The following SH3BGR variants were observed in gnomAD, a reference collection of about 807,000 sequenced individuals.
SH3BGR encodes the protein SH3 domain binding glutamate rich protein, also known as SH3 domain-binding glutamic acid-rich protein.
In SH3BGR, 29 loss-of-function variants were observed where a neutral mutation model predicts 24.5. The observed-to-expected ratio is 1.18, with a 90% CI of 0.88 to 1.61. The LOEUF (loss-of-function observed/expected upper bound fraction) is 1.61. SH3BGR is among the 40% of genes most tolerant of loss of function. SH3BGR has a pLI of 0.00. For missense variants in SH3BGR, 162 were observed against 205.8 expected, an observed-to-expected ratio of 0.79 and a Z score of 1.30; for synonymous variants, 55 against 65.7, an observed-to-expected ratio of 0.84 and a Z score of 0.79.
chr21:39,459,714 AT>A (rs1242602521), intron 1 of SH3BGR, among the ~76,000 whole-genome samples: 1 of 151,718 alleles, frequency 6.6e-6, no homozygotes, highest in Non-Finnish European at 1.5e-5. Flanking sequence ...TTTTGTAGAG[AT>A]GTGGTCTCTA....
chr21:39,447,787 C>T (rs959581987), upstream of SH3BGR, among the ~76,000 whole-genome samples: 1 of 152,140 alleles, frequency 6.6e-6, no homozygotes, highest in African/African-American at 2.4e-5. Context: ...CATGGCCTTT[C>T]ACTATTCTGG....
At chr21:39,449,528 AT>A (rs1254739637), upstream of SH3BGR, among the ~76,000 whole-genome samples, 3 of 152,194 alleles carry the variant, frequency 2.0e-5, no homozygotes, top group Non-Finnish European at 4.4e-5. Context: ...ATTCCTGTTA[AT>A]TATGTTGAAG....
chr21:39,510,909 CTATATATATATATATATA>C lies in SH3BGR; in HGVS notation c.436-750_436-733del, dbSNP rs61692072. ...TTCTTTTTGTATTTGATTCTTCTAA[CTATATATATATATATATA>C]TATATATATATATATATATACTTTC... is the stretch of plus-strand genomic sequence containing the variant. On this transcript the variant is annotated intron_variant, in intron 5 of 6. Coordinates refer to ENST00000333634, the MANE Select transcript of SH3BGR (RefSeq NM_007341.3). Among the ~76,000 whole-genome samples, 156 of 65,868 alleles carry C rather than the reference CTATATATATATATATATA, an allele frequency of 2.4e-3. 4 individuals carry two copies. The highest frequency in any genetic ancestry group is 0.016 in the South Asian group (22 of 1,368). The allele number at this position is 65,868 out of a possible 152,430, so 43.2% of individuals were successfully genotyped here. A position where few individuals can be genotyped will look rare whatever the true frequency, so the allele number is the denominator to read the frequency against.
chr21:39,473,344 C>T (rs2077972617), intron 2 of SH3BGR, among the ~76,000 whole-genome samples: 1 of 152,140 alleles, frequency 6.6e-6, no homozygotes, highest in African/African-American at 2.4e-5. Flanking sequence ...TTACATTTCA[C>T]CAACTTACTG....
chr21:39,494,164 C>G (rs1050614902), intron 3 of SH3BGR, among the ~76,000 whole-genome samples: 3 of 152,032 alleles, frequency 2.0e-5, no homozygotes, highest in African/African-American at 7.2e-5. Flanking sequence ...GCTATACGAT[C>G]ATGTGTATCA....
chr21:39,507,758 G>A (rs951882308), intron 4 of SH3BGR, among the ~76,000 whole-genome samples: 2 of 152,074 alleles, frequency 1.3e-5, no homozygotes, highest in East Asian at 1.9e-4. Context: ...TGATCCTCCC[G>A]CCTCTGCCTC....
intron 3 of SH3BGR, among the ~76,000 whole-genome samples, chr21:39,485,686 C>CT (rs71330369): frequency 4.6e-3 from 541 of 116,732 alleles, no homozygotes; most frequent in Non-Finnish European, 6.1e-3. Context: ...AAGTTGTTTT[C>CT]TTTTTTTTTT....
At chr21:39,489,749 C>A (rs1416401567) in intron 3 of SH3BGR, among the ~76,000 whole-genome samples, 5 of 152,134 alleles carry the variant, frequency 3.3e-5, no homozygotes, top group Non-Finnish European at 5.9e-5. Context: ...AATAGTATGC[C>A]AGGGCTACAT....
In SH3BGR at chr21:39,511,772, C is replaced by G. The variant is rs919554835; in HGVS notation, c.528C>G (p.Ser176=). 6.2e-7 allele frequency: 1 copy of G among 1,610,218 alleles called. No individual in the cohort carries two copies. Among genetic ancestry groups the G allele is most frequent in the African/African-American group, 1.3e-5 (1 of 74,630 alleles). ...EGEEPGEDED[S] ...AAGAGCCTGGAGAAGACGAAGATTCCTAGGCCTTTTCATGCTTCATTTCTT... is the reference window on the plus strand; with the variant it reads ...AAGAGCCTGGAGAAGACGAAGATTCGTAGGCCTTTTCATGCTTCATTTCTT... The change falls in exon 6 of 7, where the codon TCC becomes TCG. Residue 176 remains serine (S), a synonymous_variant. Transcript: ENST00000333634. The surrounding 1 kb of genome is among the most constrained non-coding windows in gnomAD (Gnocchi z 4.2).
At position 39,511,920 on chromosome 21, in the gene SH3BGR, G is replaced by T. The variant is rs1393617204; in HGVS notation, c.*34+111G>T. 3.9e-6 allele frequency: 4 copies of T among 1,029,606 alleles called. No homozygotes were observed. The highest frequency in any genetic ancestry group is 5.4e-6 in the Non-Finnish European group (4 of 738,362). The allele number at this position is 1,029,606 out of a possible 1,614,324, so 63.8% of individuals were successfully genotyped here. ...AGGGAATTCCAATTCAGGGCTGTCT[G>T]TCTCCTTCCAAAGCCCTGGTCTGCA... is the stretch of plus-strand genomic sequence containing the variant. On this transcript the variant is annotated intron_variant, in intron 6 of 6. Transcript: ENST00000333634. The surrounding 1 kb of genome is among the most constrained non-coding windows in gnomAD (Gnocchi z 4.2).
intron 3 of SH3BGR, among the ~76,000 whole-genome samples, chr21:39,477,888 G>A (rs1375095969): frequency 6.6e-6 from 1 of 152,162 alleles, no homozygotes; most frequent in African/African-American, 2.4e-5. Flanking sequence ...GACAAATAAA[G>A]TGTATATTTA....
intron 2 of SH3BGR, 122 bp from the exon 3 acceptor site, chr21:39,475,013 T>A: frequency 1.6e-6 from 1 of 610,130 alleles, no homozygotes; most frequent in Non-Finnish European, 2.9e-6. Flanking sequence ...TAAAGCAAAC[T>A]GGGATGACTT....
chr21:39,507,410 C>T (rs532281352), intron 4 of SH3BGR, among the ~76,000 whole-genome samples: 72 of 151,396 alleles, frequency 4.8e-4, no homozygotes, highest in East Asian at 4.7e-3. Context: ...CTTGACTCAC[C>T]GCAACCTCCG....
chr21:39,446,076 T>C (rs1196350008), exon 1 of SH3BGR: 3 of 151,740 alleles, frequency 2.0e-5, no homozygotes, highest in Non-Finnish European at 2.9e-5. Context: ...GCTCTGTCAG[T>C]CTTAGGTAAC....
intron 4 of SH3BGR, 34 bp downstream of exon 4, chr21:39,499,949 G>C (rs1259531235): frequency 6.8e-7 from 1 of 1,463,450 alleles, no homozygotes. Flanking sequence ...AGTTTGACTG[G>C]ATTCTCTGCT....
chr21:39,462,980 C>G (rs763657883), intron 2 of SH3BGR, among the ~76,000 whole-genome samples: 27 of 152,152 alleles, frequency 1.8e-4, no homozygotes, highest in Non-Finnish European at 3.1e-4. Context: ...TTCTCTTGAG[C>G]TCAAGCGATC....
chr21:39,479,215 A>AGGTGGTAAGGGTGGT (rs2078078263), intron 3 of SH3BGR, among the ~76,000 whole-genome samples: 1 of 129,358 alleles, frequency 7.7e-6, no homozygotes, highest in Non-Finnish European at 1.6e-5. Flanking sequence ...GTGGTGGTGG[A>AGGTGGTAAGGGTGGT]GGTGGTAAGG....
chr21:39,485,806 G>C (rs965353506), intron 3 of SH3BGR, among the ~76,000 whole-genome samples: 7 of 151,112 alleles, frequency 4.6e-5, no homozygotes, highest in African/African-American at 1.7e-4. Context: ...TCCTGCCTCA[G>C]CCTCCTGCGT....
intron 3 of SH3BGR, among the ~76,000 whole-genome samples, chr21:39,477,563 A>G (rs911476688): frequency 6.6e-6 from 1 of 152,188 alleles, no homozygotes; most frequent in African/African-American, 2.4e-5. Flanking sequence ...CTTAGGATAA[A>G]TTCCCGGTAG....
Sources: gnomAD v4.1 joint callset for allele counts (sites outside exome capture counted in the v4.1 genomes callset) on GRCh38, gnomAD v4.1.1 for gene constraint, Gnocchi (gnomAD v3.1) non-coding constraint, MANE v1.5 for transcripts, NCBI Gene and HGNC (gene_info 2026-07-23, HGNC 2026-07-21) for gene names.